NOS1: variants seen among roughly 807,000 people sequenced by gnomAD.
The protein encoded by NOS1 is nitric oxide synthase 1.
NOS1 carries 51 observed loss-of-function variants against 164.5 expected under a neutral mutation model. The ratio of observed to expected loss-of-function variants is 0.31; its 90% CI spans 0.25 to 0.39. The LOEUF (loss-of-function observed/expected upper bound fraction) is 0.39. Ranked by LOEUF, NOS1 falls within the 10% of genes least tolerant of loss-of-function variation. NOS1 has a pLI of 1.00. For synonymous variants in NOS1, 719 were observed against 745.8 expected (o/e 0.96, Z 0.59); for missense variants, 1,362 against 1,885.6 (o/e 0.72, Z 5.14).
At chr12:117,321,958 CTCTCTCCTTCCTTCCCTCCT>C (rs1274654440) in intron 2 of NOS1, among the ~76,000 whole-genome samples, 40 of 124,744 alleles carry the variant, frequency 3.2e-4, no homozygotes, top group Admixed American at 6.3e-4. Flanking sequence ...CCTTCCCTCC[CTCTCTCCTTCCTTCCCTCCT>C]TCTCTCCTTC....
At chr12:117,359,064 T>G (rs915429710) in intron 1 of NOS1, among the ~76,000 whole-genome samples, 5 of 152,246 alleles carry the variant, frequency 3.3e-5, no homozygotes, top group Non-Finnish European at 1.5e-5. Context: ...GGAATTCAGA[T>G]GGCTGCACTG....
intron 1 of NOS1, among the ~76,000 whole-genome samples, chr12:117,332,346 C>T (rs576882680): frequency 2.0e-5 from 3 of 152,202 alleles, no homozygotes; most frequent in Admixed American, 6.5e-5. Context: ...GGTTCAGTAA[C>T]TTGTCCAAGG....
chr12:117,243,474 C>T lies in NOS1; in HGVS notation c.2824-39G>A. On this transcript the variant is annotated intron_variant, in intron 18 of 28. Coordinates refer to ENST00000317775, the MANE Select transcript of NOS1 (RefSeq NM_000620.5). The surrounding 1 kb of genome is among the most constrained non-coding windows in gnomAD (Gnocchi z 4.3). ...AAGGCTTTCAGTGACCTCTTTCAGC[C>T]AAGCGGATCTCCTCTCCAACAGCTC... The T allele has an allele frequency of 6.2e-7, 1 of 1,608,078 alleles. No homozygotes were observed. Among genetic ancestry groups the T allele is most frequent in the African/African-American group, 1.3e-5 (1 of 74,912 alleles).
Position 117,218,083 on chromosome 12 carries a change from T to C in NOS1, c.4252A>G (p.Ile1418Val), listed in dbSNP as rs745802274. Residue 1418 changes from isoleucine to valine, a missense_variant, in exon 28 of 29, where the codon ATT (isoleucine) becomes GTT (valine). Ile to Val is a conservative substitution (Grantham distance 29). Around this residue, in one of 4 missense-constraint regions of NOS1, gnomAD observed 737 missense variants for 1,030.3 expected, o/e 0.72. Transcript: ENST00000317775. The stretch of plus-strand genomic sequence containing the variant: ...TTTTTGCTCTCTTCAATGAAGGCAA[T>C]GGACTCAGATCTAAGGCGGTTGGTC... ...EVTNRLRSES[I>V]AFIEESKKDT... 5.0e-6 allele frequency: 8 copies of C among 1,614,036 alleles called. No homozygotes were observed. Among genetic ancestry groups the C allele is most frequent in the Non-Finnish European group, 5.1e-6 (6 of 1,180,016 alleles).
chr12:117,228,675 A>C (rs1868914762), intron 22 of NOS1, among the ~76,000 whole-genome samples: 1 of 152,214 alleles, frequency 6.6e-6, no homozygotes, highest in Non-Finnish European at 1.5e-5. Flanking sequence ...CTGGAACAGA[A>C]GGCTCAGTTT....
At position 117,211,663 on chromosome 12, in the gene NOS1, C is replaced by G. The variant is rs9658576; in HGVS notation, c.*3646G>C. 2.0e-6 allele frequency: 2 copies of G among 985,472 alleles called. No homozygotes were observed. The highest frequency in any genetic ancestry group is 2.4e-6 in the Non-Finnish European group (2 of 830,004). 61.0% of individuals were successfully genotyped at this position (985,472 alleles called of 1,614,324 possible). A position where few individuals can be genotyped will look rare whatever the true frequency, so the allele number is the denominator to read the frequency against. On this transcript the variant is annotated 3_prime_UTR_variant, in exon 29 of 29. Transcript: ENST00000317775. ...GTCCGTGCCTTTCCTCTCACTCTTC[C>G]CAATTCCTGGACAACTCTTACCTTC...
intron 9 of NOS1, among the ~76,000 whole-genome samples, chr12:117,277,023 T>C (rs1873241857): frequency 6.6e-6 from 1 of 152,160 alleles, no homozygotes; most frequent in African/African-American, 2.4e-5. Flanking sequence ...TGCTGGATCA[T>C]ATGGTAGCTC....
intron 10 of NOS1, among the ~76,000 whole-genome samples, chr12:117,269,423 C>T (rs1872645583): frequency 6.7e-6 from 1 of 149,206 alleles, no homozygotes; most frequent in South Asian, 2.1e-4. Context: ...GGATGTTATT[C>T]CAGATGTGAC....
chr12:117,227,150 C>T (rs945533583), intron 23 of NOS1, among the ~76,000 whole-genome samples: 1 of 152,120 alleles, frequency 6.6e-6, no homozygotes, highest in Admixed American at 6.5e-5. Flanking sequence ...GAGCGCTCTC[C>T]CAGGGAGTGA....
intron 17 of NOS1, among the ~76,000 whole-genome samples, chr12:117,249,930 A>G (rs1190072654): frequency 6.6e-6 from 1 of 152,110 alleles, no homozygotes; most frequent in Non-Finnish European, 1.5e-5. Context: ...AATACACCCC[A>G]CCTTGCCCCA....
chr12:117,316,243 G>A (rs1321814511), intron 2 of NOS1, among the ~76,000 whole-genome samples: 1 of 151,944 alleles, frequency 6.6e-6, no homozygotes, highest in African/African-American at 2.4e-5. Flanking sequence ...TTTGCTGGGG[G>A]CTGGGGCACA....
chr12:117,340,272 G>C (rs977086962), intron 1 of NOS1, among the ~76,000 whole-genome samples: 7 of 152,154 alleles, frequency 4.6e-5, no homozygotes, highest in African/African-American at 1.4e-4. Context: ...CCAAAGTGCA[G>C]AGTTTATAAG....
intron 7 of NOS1, among the ~76,000 whole-genome samples, chr12:117,282,078 T>C (rs1434167553): frequency 6.6e-6 from 1 of 152,178 alleles, no homozygotes; most frequent in Non-Finnish European, 1.5e-5. Context: ...TTTTATTAAT[T>C]GTGGAAAGAT....
intron 1 of NOS1, among the ~76,000 whole-genome samples, chr12:117,338,552 A>ATG (rs1875949760): frequency 6.6e-6 from 1 of 152,030 alleles, no homozygotes; most frequent in South Asian, 2.1e-4. Context: ...AGCATGGCAC[A>ATG]TGTATACATA....
At chr12:117,273,730 A>G (rs1427987565) in intron 9 of NOS1, among the ~76,000 whole-genome samples, 2 of 152,122 alleles carry the variant, frequency 1.3e-5, no homozygotes, top group Non-Finnish European at 2.9e-5. Flanking sequence ...GTAGGATTCC[A>G]CCCTACACTT....
chr12:117,313,919 G>A (rs1874552785), intron 2 of NOS1, among the ~76,000 whole-genome samples: 1 of 152,176 alleles, frequency 6.6e-6, no homozygotes, highest in South Asian at 2.1e-4. Context: ...TGGGTCCCAG[G>A]CATTAAGACT....
chr12:117,337,104 CTCTTTTTTTTTTTTTTT>C (rs1875860940), intron 1 of NOS1, among the ~76,000 whole-genome samples: 1 of 94,074 alleles, frequency 1.1e-5, no homozygotes, highest in South Asian at 4.0e-4. Flanking sequence ...CTGCTTTTTA[CTCTTTTTTTTTTTTTTT>C]TTTTTTTTTT....
intron 22 of NOS1, among the ~76,000 whole-genome samples, chr12:117,230,866 C>A (rs998112960): frequency 6.6e-6 from 1 of 152,154 alleles, no homozygotes; most frequent in African/African-American, 2.4e-5. Flanking sequence ...CACAGTAAGA[C>A]AAATTTTGCA....
chr12:117,243,402 C>T lies in NOS1; in HGVS notation c.2857G>A (p.Val953Ile). The T allele has an allele frequency of 6.2e-7, 1 of 1,614,150 alleles. No homozygotes were observed. Among genetic ancestry groups the T allele is most frequent in the Non-Finnish European group, 8.5e-7 (1 of 1,180,024 alleles). ...ACDVFCVGDDVNIEKANNSLI... is the reference protein window; with the variant it reads ...ACDVFCVGDDINIEKANNSLI... ...GAATTGTTGGCCTTTTCAATGTTGA[C>T]ATCATCTCCCACACAGAAGACATCA... is the stretch of plus-strand genomic sequence containing the variant. The change falls in exon 19 of 29, where the codon GTC becomes ATC. Residue 953 changes from valine to isoleucine, a missense_variant. This residue lies in a region of NOS1 where 737 missense variants were observed against 1,030.3 expected (regional missense o/e 0.72). Coordinates refer to ENST00000317775, the MANE Select transcript of NOS1 (RefSeq NM_000620.5). This position sits in a 1 kb window ranked among gnomAD's most constrained non-coding sequence, Gnocchi z 4.3.
Sources: allele counts gnomAD v4.1 joint callset (sites outside exome capture counted in the v4.1 genomes callset), GRCh38; gene constraint gnomAD v4.1.1; regional missense constraint gnomAD v4.1.1; non-coding constraint Gnocchi (gnomAD v3.1); transcripts MANE v1.5; gene names NCBI Gene and HGNC (gene_info 2026-07-23, HGNC 2026-07-21).